FTCDNL1: variants seen among roughly 807,000 people sequenced by gnomAD.
FTCDNL1 encodes the protein formiminotransferase cyclodeaminase N-terminal like.
In FTCDNL1, 11 loss-of-function variants were observed where a neutral mutation model predicts 5.9. That is an observed-to-expected ratio of 1.87 (90% CI 1.18 to 3.10). The LOEUF (loss-of-function observed/expected upper bound fraction) is 3.10. Ranked by LOEUF, FTCDNL1 falls within the 30% of genes most tolerant of loss-of-function variation. The pLI, the probability that FTCDNL1 is intolerant of heterozygous loss-of-function variation, is 0.00. For synonymous variants in FTCDNL1, 58 were observed against 24.8 expected (o/e 2.34, Z -3.99); for missense variants, 115 against 65.5 (o/e 1.76, Z -2.61).
downstream of FTCDNL1, among the ~76,000 whole-genome samples, chr2:199,758,451 C>CAAA (rs754047700): frequency 3.3e-4 from 31 of 93,260 alleles, no homozygotes; most frequent in African/African-American, 1.2e-3. Flanking sequence ...CCATTCCCAC[C>CAAA]AAAAAAAAAA....
At chr2:199,684,824 A>C in the FTCDNL1 span, among the ~76,000 whole-genome samples, 1 of 152,220 alleles carries the variant, frequency 6.6e-6, no homozygotes, top group East Asian at 1.9e-4. Context: ...TCTTTCTGGA[A>C]ATTATAATTC....
the FTCDNL1 span, among the ~76,000 whole-genome samples, chr2:199,702,899 G>A: frequency 6.6e-5 from 10 of 152,100 alleles, no homozygotes; most frequent in Non-Finnish European, 1.5e-4. Flanking sequence ...CGACCCTGAG[G>A]TGAGACCAAC....
At chr2:199,665,461 G>A in the FTCDNL1 span, among the ~76,000 whole-genome samples, 2 of 151,702 alleles carry the variant, frequency 1.3e-5, no homozygotes, top group Non-Finnish European at 2.9e-5. Context: ...GTGAAACCCC[G>A]TCTCTACTAA....
intron 3 of FTCDNL1, among the ~76,000 whole-genome samples, chr2:199,825,825 C>G (rs1013447220): frequency 6.6e-6 from 1 of 152,194 alleles, no homozygotes; most frequent in African/African-American, 2.4e-5. Flanking sequence ...AGTATTCATT[C>G]ATAGCAATGC....
At chr2:199,768,012 C>T (rs1698616229) in intron 3 of FTCDNL1, among the ~76,000 whole-genome samples, 1 of 152,116 alleles carries the variant, frequency 6.6e-6, no homozygotes, top group Admixed American at 6.5e-5. Flanking sequence ...TTCTGTATAA[C>T]CTGAAACATA....
At chr2:199,785,332 C>T (rs777407780) in intron 3 of FTCDNL1, among the ~76,000 whole-genome samples, 2 of 141,086 alleles carry the variant, frequency 1.4e-5, no homozygotes, top group Non-Finnish European at 3.0e-5. Flanking sequence ...ACTGTGAGCT[C>T]CACCTCCCGG....
At chr2:199,753,354 G>A in the FTCDNL1 span, among the ~76,000 whole-genome samples, 1 of 152,220 alleles carries the variant, frequency 6.6e-6, no homozygotes, top group African/African-American at 2.4e-5. Context: ...AGGAGGTGCA[G>A]CAGGGGACAG....
At chr2:199,680,790 T>C in the FTCDNL1 span, among the ~76,000 whole-genome samples, 1 of 152,164 alleles carries the variant, frequency 6.6e-6, no homozygotes, top group Non-Finnish European at 1.5e-5. Flanking sequence ...TAATTAGAAA[T>C]GTGTTTGGGA....
At chr2:199,785,249 C>CTTTTTTTTT (rs61047289) in intron 3 of FTCDNL1, among the ~76,000 whole-genome samples, 31,962 of 75,286 alleles carry the variant, frequency 0.42, 10,184 homozygotes, top group South Asian at 0.6. Context: ...TTCCAAATTC[C>CTTTTTTTTT]TTTTTTTTTT....
intron 3 of FTCDNL1, among the ~76,000 whole-genome samples, chr2:199,784,539 CA>C (rs1274937947): frequency 1.3e-5 from 2 of 152,114 alleles, no homozygotes; most frequent in African/African-American, 4.8e-5. Flanking sequence ...GGAGGACTCT[CA>C]AAAACAATAC....
At chr2:199,784,556 G>A (rs988107127) in intron 3 of FTCDNL1, among the ~76,000 whole-genome samples, 2 of 152,138 alleles carry the variant, frequency 1.3e-5, no homozygotes, top group South Asian at 2.1e-4. Context: ...AATACCTGTC[G>A]GGGTGAGGGA....
intron 3 of FTCDNL1, among the ~76,000 whole-genome samples, chr2:199,823,260 A>G (rs1701807629): frequency 6.6e-6 from 1 of 152,164 alleles, no homozygotes; most frequent in Non-Finnish European, 1.5e-5. Context: ...TTCCTCCACT[A>G]AAGTCTTAAA....
chr2:199,711,376 G>C, the FTCDNL1 span, among the ~76,000 whole-genome samples: 1 of 141,654 alleles, frequency 7.1e-6, no homozygotes, highest in Non-Finnish European at 1.5e-5. Flanking sequence ...GGGGGCGGGG[G>C]GGGGATTGAA....
chr2:199,717,874 A>G, the FTCDNL1 span, among the ~76,000 whole-genome samples: 2 of 151,982 alleles, frequency 1.3e-5, no homozygotes, highest in African/African-American at 4.8e-5. Context: ...TCCCAATTGC[A>G]AAGACAGCCA....
At chr2:199,741,308 C>T in the FTCDNL1 span, among the ~76,000 whole-genome samples, 2 of 152,036 alleles carry the variant, frequency 1.3e-5, no homozygotes, top group African/African-American at 4.8e-5. Flanking sequence ...AAAAACAAAA[C>T]TCAAAGTCTC....
At chr2:199,737,876 A>G in the FTCDNL1 span, among the ~76,000 whole-genome samples, 1 of 152,172 alleles carries the variant, frequency 6.6e-6, no homozygotes, top group African/African-American at 2.4e-5. Flanking sequence ...AAATTCCACA[A>G]TTAGGAGCGT....
At chr2:199,831,646 G>A (rs12053011) in intron 3 of FTCDNL1, among the ~76,000 whole-genome samples, 25,235 of 152,156 alleles carry the variant, frequency 0.17, 2,414 homozygotes, top group East Asian at 0.29. Context: ...AAAGCATGTA[G>A]AAAATTCTGG....
At chr2:199,711,359 G>A in the FTCDNL1 span, among the ~76,000 whole-genome samples, 2 of 127,222 alleles carry the variant, frequency 1.6e-5, no homozygotes, top group Non-Finnish European at 1.6e-5. Flanking sequence ...TCTAATGGGG[G>A]TTGTGAGGGG....
At chr2:199,705,260 T>A in the FTCDNL1 span, among the ~76,000 whole-genome samples, 1 of 152,170 alleles carries the variant, frequency 6.6e-6, no homozygotes, top group Non-Finnish European at 1.5e-5. Context: ...ATAAGTACTA[T>A]GGGCTGAGAT....
Sources: allele counts gnomAD v4.1 joint callset (sites outside exome capture counted in the v4.1 genomes callset), GRCh38; gene constraint gnomAD v4.1.1; transcripts MANE v1.5; gene names NCBI Gene and HGNC (gene_info 2026-07-23, HGNC 2026-07-21).